ADAMTS6: variants seen among roughly 807,000 people sequenced by gnomAD.
ADAMTS6 encodes ADAM metallopeptidase with thrombospondin type 1 motif 6.
A neutral mutation model predicts 144.3 loss-of-function variants in ADAMTS6; 23 were observed. The ratio of observed to expected loss-of-function variants is 0.16; its 90% CI spans 0.11 to 0.23. The LOEUF is 0.23. Ranked by LOEUF, ADAMTS6 falls within the 10% of genes least tolerant of loss-of-function variation. The probability of loss-of-function intolerance (pLI) is 1.00; values close to 1 mark genes in which losing one functional copy is unlikely to be tolerated. For missense variants in ADAMTS6, 999 were observed against 1,379.6 expected (o/e 0.72, Z 4.37); for synonymous variants, 444 against 457.5 (o/e 0.97, Z 0.38).
intron 24 of ADAMTS6, among the ~76,000 whole-genome samples, chr5:65,167,980 G>A (rs1299553718): frequency 1.5e-5 from 2 of 134,892 alleles, no homozygotes; most frequent in South Asian, 2.7e-4. Flanking sequence ...GCACAAGACA[G>A]GGATGCCCTC....
At chr5:65,230,973 A>T (rs1387914165) in intron 15 of ADAMTS6, among the ~76,000 whole-genome samples, 1 of 149,982 alleles carries the variant, frequency 6.7e-6, no homozygotes, top group Non-Finnish European at 1.5e-5. Context: ...AAAATAAAGG[A>T]ACAAAAAAAG....
intron 22 of ADAMTS6, among the ~76,000 whole-genome samples, chr5:65,183,809 G>GT (rs979926833): frequency 6.6e-6 from 1 of 152,120 alleles, no homozygotes; most frequent in Non-Finnish European, 1.5e-5. Flanking sequence ...CAAAGAGTAT[G>GT]TTTTTGCGTA....
intron 11 of ADAMTS6, among the ~76,000 whole-genome samples, chr5:65,274,876 G>A (rs1028862522): frequency 1.3e-5 from 2 of 152,110 alleles, no homozygotes; most frequent in Non-Finnish European, 2.9e-5. Flanking sequence ...GTAGAGACAG[G>A]GTTTCACGAT....
At chr5:65,405,308 G>T (rs1035262498) in intron 7 of ADAMTS6, among the ~76,000 whole-genome samples, 1 of 152,098 alleles carries the variant, frequency 6.6e-6, no homozygotes, top group East Asian at 1.9e-4. Context: ...AATCCATTTT[G>T]AATTAATTTT....
At chr5:65,196,171 G>T (rs1299480761) in intron 21 of ADAMTS6, among the ~76,000 whole-genome samples, 1 of 152,092 alleles carries the variant, frequency 6.6e-6, no homozygotes, top group African/African-American at 2.4e-5. Flanking sequence ...TACAACAACA[G>T]AACTTTAAAC....
intron 14 of ADAMTS6, among the ~76,000 whole-genome samples, chr5:65,254,192 A>C (rs1353901786): frequency 6.6e-6 from 1 of 152,014 alleles, no homozygotes; most frequent in Non-Finnish European, 1.5e-5. Flanking sequence ...ATGATTTATT[A>C]TTAAATTCCA....
At chr5:65,477,066 A>G (rs1263723641) in intron 1 of ADAMTS6, among the ~76,000 whole-genome samples, 1 of 152,230 alleles carries the variant, frequency 6.6e-6, no homozygotes, top group Admixed American at 6.5e-5. Context: ...AGATTAAGTT[A>G]TACCATTATT....
In ADAMTS6 at chr5:65,333,997, T is replaced by TAAAAA. The variant is rs750637450; in HGVS notation, c.1117+40_1117+44dup. 2,033 of 840,568 alleles carry TAAAAA rather than the reference T, an allele frequency of 2.4e-3. 11 individuals carry two copies. The highest frequency in any genetic ancestry group is 0.012 in the African/African-American group (350 of 29,706). 52.1% of individuals were successfully genotyped at this position (840,568 alleles called of 1,614,324 possible). A position where few individuals can be genotyped will look rare whatever the true frequency, so the allele number is the denominator to read the frequency against. The stretch of plus-strand genomic sequence containing the variant: ...ACAATCAGAACCATTCTACCTTTAT[T>TAAAAA]AAAAAAAAAAAAAAAAAAAAAAAAA... On this transcript the variant is annotated intron_variant, in intron 8 of 24. Transcript: ENST00000381055.
intron 22 of ADAMTS6, among the ~76,000 whole-genome samples, 190 bp from the exon 23 acceptor site, chr5:65,173,198 G>A (rs540776105): frequency 3.2e-4 from 49 of 152,244 alleles, no homozygotes; most frequent in Middle Eastern, 3.4e-3. Context: ...TTTTTCTTAA[G>A]GTCTTGAAGA....
chr5:65,360,567 G>T (rs1442414096), intron 7 of ADAMTS6, among the ~76,000 whole-genome samples: 1 of 151,476 alleles, frequency 6.6e-6, no homozygotes, highest in Admixed American at 6.6e-5. Flanking sequence ...GAAAAAACAA[G>T]AAACAAGTCA....
chr5:65,170,506 T>C, intron 24 of ADAMTS6, 111 bp downstream of exon 24: 1 of 1,228,284 alleles, frequency 8.1e-7, no homozygotes, highest in South Asian at 1.9e-5. Context: ...CTTTCACAAA[T>C]GCTCTACTCA....
At chr5:65,225,938 C>T in intron 16 of ADAMTS6, 148 bp downstream of exon 16, 1 of 826,030 alleles carries the variant, frequency 1.2e-6, no homozygotes, top group Non-Finnish European at 1.7e-6. Context: ...TTTACCTTTA[C>T]ATATTTTATT....
chr5:65,449,631 A>G (rs1758582091), intron 7 of ADAMTS6, among the ~76,000 whole-genome samples: 2 of 151,956 alleles, frequency 1.3e-5, no homozygotes, highest in Admixed American at 1.3e-4. Flanking sequence ...AAAAATAAAT[A>G]AATAAATAAA....
intron 7 of ADAMTS6, among the ~76,000 whole-genome samples, chr5:65,419,921 A>G (rs908822903): frequency 1.3e-5 from 2 of 152,212 alleles, no homozygotes; most frequent in Non-Finnish European, 2.9e-5. Context: ...TGATGGTTGT[A>G]CATCTTTGCG....
intron 7 of ADAMTS6, among the ~76,000 whole-genome samples, chr5:65,448,264 A>G (rs1168810636): frequency 6.6e-6 from 1 of 152,138 alleles, no homozygotes; most frequent in African/African-American, 2.4e-5. Context: ...TGCGGATCAC[A>G]GTTCGTTTTA....
intron 15 of ADAMTS6, among the ~76,000 whole-genome samples, chr5:65,238,481 T>C (rs1432854608): frequency 6.6e-6 from 1 of 151,878 alleles, no homozygotes; most frequent in Admixed American, 6.6e-5. Flanking sequence ...GCGCCTGTAG[T>C]CTCAGCTACT....
At chr5:65,264,210 G>C (rs1761431614) in intron 12 of ADAMTS6, among the ~76,000 whole-genome samples, 1 of 151,848 alleles carries the variant, frequency 6.6e-6, no homozygotes, top group Non-Finnish European at 1.5e-5. Context: ...CCACCTTTTT[G>C]CTTAAAAAAA....
At position 65,260,655 on chromosome 5, in the gene ADAMTS6, C is replaced by G. The variant is rs146740454; in HGVS notation, c.1775G>C (p.Gly592Ala). 143 of 1,613,154 alleles carry G rather than the reference C, an allele frequency of 8.9e-5. No individual in the cohort carries two copies. Among genetic ancestry groups the G allele is most frequent in the Non-Finnish European group, 1.2e-4 (140 of 1,179,584 alleles). Residue 592 changes from glycine (G) to alanine (A), a missense_variant, in exon 14 of 25, where the codon GGA becomes GCA. Physicochemically the swap from Gly to Ala is moderately conservative, Grantham distance 60. Around this residue, in one of 3 missense-constraint regions of ADAMTS6, gnomAD observed 619 missense variants for 837.0 expected, o/e 0.74. Coordinates refer to ENST00000381055, the MANE Select transcript of ADAMTS6 (RefSeq NM_197941.4). ...TTCCCCAAGGCAATATTTTCCACCTCCTGAAGGTCTGAAAAAACATTGTGT... is the reference window on the plus strand; with the variant it reads ...TTCCCCAAGGCAATATTTTCCACCTGCTGAAGGTCTGAAAAAACATTGTGT... ...LRHCDSPAPSGGGKYCLGERK... is the reference protein window; with the variant it reads ...LRHCDSPAPSAGGKYCLGERK...
At chr5:65,312,042 T>C (rs928712205) in intron 9 of ADAMTS6, among the ~76,000 whole-genome samples, 14 of 152,014 alleles carry the variant, frequency 9.2e-5, no homozygotes, top group Non-Finnish European at 1.6e-4. Flanking sequence ...ACATAGAACA[T>C]GTACTTTTAA....
Sources: gnomAD v4.1 joint callset for allele counts (sites outside exome capture counted in the v4.1 genomes callset) on GRCh38, gnomAD v4.1.1 for gene constraint, gnomAD v4.1.1 regional missense constraint, MANE v1.5 for transcripts, NCBI Gene and HGNC (gene_info 2026-07-23, HGNC 2026-07-21) for gene names.